MRM3: variants seen among roughly 807,000 people sequenced by gnomAD.
MRM3 encodes the protein rRNA methyltransferase 3, mitochondrial.
MRM3 carries 26 observed loss-of-function variants against 29.4 expected under a neutral mutation model. The ratio of observed to expected loss-of-function variants is 0.89; its 90% CI spans 0.65 to 1.23. The LOEUF (loss-of-function observed/expected upper bound fraction) is 1.23. MRM3 is among the 50% of genes most tolerant of loss of function. MRM3 has a pLI of 0.00. For missense variants in MRM3, 578 were observed against 540.2 expected (o/e 1.07, Z -0.69); for synonymous variants, 225 against 219.0 (o/e 1.03, Z -0.24).
intron 3 of MRM3, among the ~76,000 whole-genome samples, chr17:789,392 A>G (rs1393011574): frequency 6.6e-6 from 1 of 152,200 alleles, no homozygotes; most frequent in Non-Finnish European, 1.5e-5. Flanking sequence ...CGTGGGTCAC[A>G]TGCCCCGCAC....
rs764941078 is a variant in MRM3 at position 783,316 on chromosome 17, A to G, written c.548A>G (p.Gln183Arg). Residue 183 changes from glutamine to arginine, a missense_variant, in exon 2 of 4, where the codon CAA becomes CGA. By Grantham distance (43) the Gln-to-Arg change is conservative. Coordinates refer to ENST00000304478, the MANE Select transcript of MRM3 (RefSeq NM_018146.4). ...GATTGGTCCGACCTCGTAACGCCAC[A>G]AGGAATAATGGGTTAGTGATTACCC... ...IKDWSDLVTP[Q>R]GIMGIFAKPD... 2 of 1,612,384 alleles carry G rather than the reference A, an allele frequency of 1.2e-6. No homozygotes were observed. The highest frequency in any genetic ancestry group is 1.7e-6 in the Non-Finnish European group (2 of 1,179,312).
At chr17:784,579 A>G (rs1910444162) in intron 2 of MRM3, among the ~76,000 whole-genome samples, 1 of 152,034 alleles carries the variant, frequency 6.6e-6, no homozygotes, top group African/African-American at 2.4e-5. Context: ...AGGTGTGCTT[A>G]CAGTGGCCAA....
chr17:783,907 TAAGA>T (rs1208038973), intron 2 of MRM3, among the ~76,000 whole-genome samples: 1 of 152,188 alleles, frequency 6.6e-6, no homozygotes, highest in Non-Finnish European at 1.5e-5. Flanking sequence ...GATTAAAAAT[TAAGA>T]AAGCGTTTAC....
Position 782,417 on chromosome 17 carries a change from A to T in MRM3, c.39A>T (p.Arg13=). 6.2e-7 allele frequency: 1 copy of T among 1,613,872 alleles called. No homozygotes were observed. The highest frequency in any genetic ancestry group is 8.5e-7 in the Non-Finnish European group (1 of 1,179,960). Residue 13 remains arginine, a synonymous_variant, in exon 1 of 4, where the codon CGA becomes CGT. Coordinates refer to ENST00000304478, the MANE Select transcript of MRM3 (RefSeq NM_018146.4). ...ALVRPARFVV[R]PLLQVVQAWD... ...TGAGACCCGCGAGGTTTGTCGTGCG[A>T]CCGTTGCTGCAGGTGGTCCAGGCTT...
intron 2 of MRM3, among the ~76,000 whole-genome samples, chr17:786,806 G>T (rs1910555900): frequency 6.6e-6 from 1 of 152,174 alleles, no homozygotes; most frequent in Non-Finnish European, 1.5e-5. Context: ...TCACTCACAG[G>T]TATTTATGCT....
chr17:791,013 G>A (rs1356233376), intron 3 of MRM3, among the ~76,000 whole-genome samples: 1 of 150,926 alleles, frequency 6.6e-6, no homozygotes, highest in Non-Finnish European at 1.5e-5. Context: ...CAGCGCCACC[G>A]CTGATTGGCC....
intron 1 of MRM3, 138 bp downstream of exon 1, chr17:782,830 C>A: frequency 1.0e-6 from 1 of 987,726 alleles, no homozygotes; most frequent in Non-Finnish European, 1.4e-6. Flanking sequence ...GCCGAATAAG[C>A]GTCTTTGGAA....
Position 791,946 on chromosome 17 carries a change from C to T in MRM3, c.1140C>T (p.Ile380=), listed in dbSNP as rs781324569. Reference sequence around the variant, plus strand: ...GCACTGGTGGCAAGAGGCTGCTGATCCCCGTTGTGCCTGGTGTGGACAGCC... The same window carrying T: ...GCACTGGTGGCAAGAGGCTGCTGATTCCCGTTGTGCCTGGTGTGGACAGCC... ...AESTGGKRLL[I]PVVPGVDSLN... The change falls in exon 4 of 4, where the codon ATC becomes ATT. Residue 380 remains isoleucine (I), a synonymous_variant. Transcript: ENST00000304478. The T allele has an allele frequency of 1.2e-6, 2 of 1,614,028 alleles. No homozygotes were observed. Among genetic ancestry groups the T allele is most frequent in the Admixed American group, 3.3e-5 (2 of 60,022 alleles).
rs541083978 is a variant in MRM3 at position 791,308 on chromosome 17, G to T, written c.728-226G>T. ...TGCGCAGTGTCTGGCACGTGTGAAT[G>T]GGAGATGTTGAAGGGATGCATAAAA... is the stretch of plus-strand genomic sequence containing the variant. On this transcript the variant is annotated intron_variant, in intron 3 of 3. Coordinates refer to ENST00000304478, the MANE Select transcript of MRM3 (RefSeq NM_018146.4). 2.0e-5 allele frequency among the ~76,000 whole-genome samples: 3 copies of T among 152,252 alleles called. 1 individual carries two copies. In the East Asian group the frequency reaches 5.8e-4, roughly 29 times the overall value.
rs1910860590 is a variant in MRM3, at chr17:792,149, G to GTGAC, written c.*82_*85dup. The GTGAC allele has an allele frequency of 7.1e-7, 1 of 1,402,920 alleles. No homozygotes were observed. The highest frequency in any genetic ancestry group is 1.4e-5 in the African/African-American group (1 of 69,588). 86.9% of individuals were successfully genotyped at this position (1,402,920 alleles called of 1,614,324 possible). ...CACTGGTGGGAGGCTGGCGGAGTCA[G>GTGAC]TGACTATGGCCCCCACGTTCAGGAG... is the stretch of plus-strand genomic sequence containing the variant. On this transcript the variant is annotated 3_prime_UTR_variant, in exon 4 of 4. Coordinates refer to ENST00000304478, the MANE Select transcript of MRM3 (RefSeq NM_018146.4).
chr17:785,357 T>C (rs1423714003), intron 2 of MRM3, among the ~76,000 whole-genome samples: 3 of 152,118 alleles, frequency 2.0e-5, no homozygotes, highest in African/African-American at 7.2e-5. Context: ...CCATAAATTC[T>C]TTCCATAAAA....
intron 1 of MRM3, 78 bp downstream of exon 1, chr17:782,770 G>A (rs776781624): frequency 1.5e-5 from 22 of 1,435,794 alleles, no homozygotes; most frequent in Admixed American, 2.3e-5. Context: ...TCCTTCCGAT[G>A]GAGGACTTCT....
chr17:790,445 TAGG>T (rs1168434288), intron 3 of MRM3: 1 of 168,240 alleles, frequency 5.9e-6, no homozygotes, highest in Non-Finnish European at 1.3e-5. Flanking sequence ...CAGCTTCCCA[TAGG>T]AGGCCTCCTC....
chr17:788,268 A>C, intron 3 of MRM3, 136 bp downstream of exon 3: 1 of 807,428 alleles, frequency 1.2e-6, no homozygotes, highest in South Asian at 1.8e-5. Context: ...TCTCTACAAA[A>C]AAAACTACAA....
rs60009552 is a variant in MRM3, at chr17:784,444, C to T, written c.559+1117C>T. Among the ~76,000 whole-genome samples, 954 of 152,138 alleles carry T rather than the reference C, an allele frequency of 6.3e-3. 13 individuals carry two copies. The highest frequency in any genetic ancestry group is 0.022 in the African/African-American group (910 of 41,490). On this transcript the variant is annotated intron_variant, in intron 2 of 3. Transcript: ENST00000304478. ...CAGTGAAAGTGTTATTCATTTTTACCGTGCTTGTCACTTGGGGCAGGTGTG... is the reference window on the plus strand; with the variant it reads ...CAGTGAAAGTGTTATTCATTTTTACTGTGCTTGTCACTTGGGGCAGGTGTG...
At position 791,757 on chromosome 17, in the gene MRM3, C is replaced by CAA. The variant is rs749992214; in HGVS notation, c.952_953dup (p.Tyr319SerfsTer8). On this transcript the variant is annotated frameshift_variant, in exon 4 of 4. Coordinates refer to ENST00000304478, the MANE Select transcript of MRM3 (RefSeq NM_018146.4). LOFTEE classifies it high-confidence loss of function. ...GTGATCAACGAGTGATGAAGTTTCA[C>CAA]AAGTATGAGGAAGAGGAAGATGTAG... is the stretch of plus-strand genomic sequence containing the variant. The CAA allele has an allele frequency of 1.2e-6, 2 of 1,614,154 alleles. No individual in the cohort carries two copies. Among genetic ancestry groups the CAA allele is most frequent in the Non-Finnish European group, 1.7e-6 (2 of 1,180,046 alleles).
Position 783,167 on chromosome 17 carries a change from C to G in MRM3, c.399C>G (p.Asp133Glu), listed in dbSNP as rs113258383. The change falls in exon 2 of 4, where the codon GAC becomes GAG. Residue 133 changes from aspartate to glutamate, a missense_variant. Coordinates refer to ENST00000304478, the MANE Select transcript of MRM3 (RefSeq NM_018146.4). ...TGGAAGGTCGCAGGCTCATTTCAGA[C>G]GCTCTCAAGGCTGGAGCTGTGCCAA... ...ILLEGRRLIS[D>E]ALKAGAVPKM... The G allele has an allele frequency of 3.7e-6, 6 of 1,614,064 alleles. No homozygotes were observed. In the African/African-American group the frequency reaches 4.0e-5, roughly 11 times the overall value.
chr17:788,969 T>C (rs1910669358), intron 3 of MRM3, among the ~76,000 whole-genome samples: 1 of 152,146 alleles, frequency 6.6e-6, no homozygotes, highest in African/African-American at 2.4e-5. Context: ...AGTAATTCAG[T>C]CAATGTTGAT....
In MRM3 at chr17:787,911, G is replaced by T; in HGVS notation, c.560-54G>T. ...AGATTGATAAGTAAATGAAAAGTCAGACTATTCCCCGTGCCCACACCAGGC... is the reference window on the plus strand; with the variant it reads ...AGATTGATAAGTAAATGAAAAGTCATACTATTCCCCGTGCCCACACCAGGC... On this transcript the variant is annotated intron_variant, in intron 2 of 3. Coordinates refer to ENST00000304478, the MANE Select transcript of MRM3 (RefSeq NM_018146.4). This position sits in a 1 kb window ranked among gnomAD's most constrained non-coding sequence, Gnocchi z 4.1. 6.5e-7 allele frequency: 1 copy of T among 1,540,580 alleles called. No individual in the cohort carries two copies.
Sources: gnomAD v4.1 joint callset for allele counts (sites outside exome capture counted in the v4.1 genomes callset) on GRCh38, gnomAD v4.1.1 for gene constraint, Gnocchi (gnomAD v3.1) non-coding constraint, MANE v1.5 for transcripts, NCBI Gene and HGNC (gene_info 2026-07-23, HGNC 2026-07-21) for gene names.